Variants in COL16A1 observed in about 807,000 individuals in gnomAD.
The protein encoded by COL16A1 is collagen type XVI alpha 1 chain, also known as collagen alpha-1(XVI) chain.
In COL16A1, 189 loss-of-function variants were observed where a neutral mutation model predicts 266.3. The observed-to-expected ratio is 0.71, with a 90% CI of 0.63 to 0.80. The LOEUF is 0.80. COL16A1 is among the 30% of genes least tolerant of loss of function. The pLI, the probability that COL16A1 is intolerant of heterozygous loss-of-function variation, is 0.00. For missense variants in COL16A1, 1,928 were observed against 2,122.4 expected, an observed-to-expected ratio of 0.91 and a Z score of 1.80; for synonymous variants, 740 against 782.3, an observed-to-expected ratio of 0.95 and a Z score of 0.90.
rs745856920 is a variant in COL16A1, at chr1:31,658,453, C to A, written c.4020+35G>T. The A allele has an allele frequency of 3.9e-6, 6 of 1,541,208 alleles. No individual in the cohort carries two copies. In the African/African-American group the frequency reaches 6.8e-5, roughly 17 times the overall value. ...CAGGCCTTGAGCCAATTGACTCTTT[C>A]CCCCTGGGCTATGCTGTAGAATGTG... is the stretch of plus-strand genomic sequence containing the variant. On this transcript the variant is annotated intron_variant, in intron 64 of 70. Coordinates refer to ENST00000373672, the MANE Select transcript of COL16A1 (RefSeq NM_001856.4).
intron 52 of COL16A1, among the ~76,000 whole-genome samples, chr1:31,667,245 T>A (rs1307599968): frequency 6.6e-6 from 1 of 152,236 alleles, no homozygotes; most frequent in African/African-American, 2.4e-5. Flanking sequence ...CCAACTCCTG[T>A]GCTCAACGTG....
Position 31,668,022 on chromosome 1 carries a change from C to A in COL16A1, c.3303+143G>T. ...GGCCTACAGTGGGGAGAGGGGGCTG[C>A]ATGGACTTTAGGCAAAGGAGGAGGC... On this transcript the variant is annotated intron_variant, in intron 51 of 70. Transcript: ENST00000373672. This position sits in a 1 kb window ranked among gnomAD's most constrained non-coding sequence, Gnocchi z 5.8. 5.8e-6 allele frequency: 4 copies of A among 684,028 alleles called. No individual in the cohort carries two copies. 42.4% of individuals were successfully genotyped at this position (684,028 alleles called of 1,614,324 possible). A position where few individuals can be genotyped will look rare whatever the true frequency, so the allele number is the denominator to read the frequency against.
chr1:31,684,372 T>C, intron 31 of COL16A1, 141 bp from the exon 32 acceptor site: 4 of 1,467,226 alleles, frequency 2.7e-6, no homozygotes, highest in Non-Finnish European at 3.6e-6. Flanking sequence ...CTGACACTCC[T>C]AGCAGAGGAG....
chr1:31,674,066 T>C (rs533404026), intron 44 of COL16A1, among the ~76,000 whole-genome samples: 1 of 152,330 alleles, frequency 6.6e-6, no homozygotes, highest in African/African-American at 2.4e-5. Flanking sequence ...ATGTAACTGA[T>C]GCCAAGAGGT....
intron 29 of COL16A1, 108 bp from the exon 30 acceptor site, chr1:31,684,964 C>G: frequency 6.3e-7 from 1 of 1,589,742 alleles, no homozygotes; most frequent in Non-Finnish European, 8.5e-7. Context: ...AACAAAATCT[C>G]TGCTTTCGTG....
At chr1:31,694,938 C>T (rs1004290148) in intron 11 of COL16A1, among the ~76,000 whole-genome samples, 2 of 152,202 alleles carry the variant, frequency 1.3e-5, no homozygotes. Flanking sequence ...GCCACCATCC[C>T]GTGCCCATGC....
rs1187801505 is a variant in COL16A1 at position 31,657,670 on chromosome 1, C to T, written c.4021-602G>A. 6.6e-6 allele frequency among the ~76,000 whole-genome samples: 1 copy of T among 152,164 alleles called. No homozygotes were observed. Among genetic ancestry groups the T allele is most frequent in the Non-Finnish European group, 1.5e-5 (1 of 68,018 alleles). On this transcript the variant is annotated intron_variant, in intron 64 of 70. Transcript: ENST00000373672. This position sits in a 1 kb window ranked among gnomAD's most constrained non-coding sequence, Gnocchi z 6.4. ...ACCAGCCCCACGGTCACTGCTGCTG[C>T]CCCCCAGAAAAAGTCTGCGTTGATG...
At chr1:31,699,221 T>C (rs999116113) in intron 4 of COL16A1, among the ~76,000 whole-genome samples, 1 of 152,168 alleles carries the variant, frequency 6.6e-6, no homozygotes, top group Non-Finnish European at 1.5e-5. Context: ...AGGGAGGCCA[T>C]GAGCAAAGAA....
intron 54 of COL16A1, 114 bp downstream of exon 54, chr1:31,665,768 C>G: frequency 6.3e-7 from 1 of 1,599,502 alleles, no homozygotes; most frequent in Non-Finnish European, 8.5e-7. Flanking sequence ...AGGCTCTGGG[C>G]ATGAGGTAGG....
Position 31,692,046 on chromosome 1 carries a change from C to A in COL16A1, c.1216G>T (p.Asp406Tyr). ...CCCGGCACGCCCTTGATGCCTCCGTCGCCCTTCTCGCCTTTCTGGCCCTGG... is the reference window on the plus strand; with the variant it reads ...CCCGGCACGCCCTTGATGCCTCCGTAGCCCTTCTCGCCTTTCTGGCCCTGG... ...GEKGQKGEKG[D>Y]GGIKGVPGKP... The change falls in exon 17 of 71, where the codon GAC becomes TAC. Residue 406 changes from aspartate (D) to tyrosine (Y), a missense_variant. Around this residue, in one of 2 missense-constraint regions of COL16A1, gnomAD observed 1,552 missense variants for 1,637.2 expected, o/e 0.95. Coordinates refer to ENST00000373672, the MANE Select transcript of COL16A1 (RefSeq NM_001856.4). The A allele has an allele frequency of 6.2e-7, 1 of 1,613,828 alleles. No homozygotes were observed. The highest frequency in any genetic ancestry group is 8.5e-7 in the Non-Finnish European group (1 of 1,180,002).
intron 12 of COL16A1, 93 bp from the exon 13 acceptor site, chr1:31,693,247 C>T (rs758910354): frequency 1.3e-6 from 1 of 797,736 alleles, no homozygotes; most frequent in Non-Finnish European, 2.2e-6. Flanking sequence ...TCCACCCATC[C>T]CCCCACACAC....
In COL16A1 at chr1:31,657,193, C is replaced by A. The variant is rs1641241607; in HGVS notation, c.4021-125G>T. 1 of 1,188,604 alleles carries A rather than the reference C, an allele frequency of 8.4e-7. No individual in the cohort carries two copies. The highest frequency in any genetic ancestry group is 1.8e-5 in the Admixed American group (1 of 54,886). The allele number at this position is 1,188,604 out of a possible 1,614,324, so 73.6% of individuals were successfully genotyped here. ...CCAGAGGCCACGATCCTCCAGCCCT[C>A]ACCCTCTGACAATCTGGGCACAGGC... On this transcript the variant is annotated intron_variant, in intron 64 of 70. Coordinates refer to ENST00000373672, the MANE Select transcript of COL16A1 (RefSeq NM_001856.4). This position sits in a 1 kb window ranked among gnomAD's most constrained non-coding sequence, Gnocchi z 6.4.
At chr1:31,659,270 G>A (rs1411646859) in intron 62 of COL16A1, among the ~76,000 whole-genome samples, 1 of 152,216 alleles carries the variant, frequency 6.6e-6, no homozygotes, top group Non-Finnish European at 1.5e-5. Flanking sequence ...AGGCCTGGGG[G>A]AGTTACTCCC....
At position 31,698,012 on chromosome 1, in the gene COL16A1, A is replaced by G. The variant is rs746364339; in HGVS notation, c.551T>C (p.Val184Ala). Residue 184 changes from valine (V) to alanine (A), a missense_variant, in exon 6 of 71, where the codon GTG becomes GCG. This residue lies in a region of COL16A1 where 1,552 missense variants were observed against 1,637.2 expected (regional missense o/e 0.95). Transcript: ENST00000373672. This position sits in a 1 kb window ranked among gnomAD's most constrained non-coding sequence, Gnocchi z 4.1. The stretch of plus-strand genomic sequence containing the variant: ...CTGGGAGGAGGCTGAGCTGCAGTCC[A>G]CGTGCACAGAGGCCACACGTCCAGC... ...SVAGRVASVH[V>A]DCSSASSQPL... is the part of the protein sequence containing the mutation. 24 of 1,613,454 alleles carry G rather than the reference A, an allele frequency of 1.5e-5. No individual in the cohort carries two copies. The highest frequency in any genetic ancestry group is 1.9e-5 in the Non-Finnish European group (23 of 1,180,036).
intron 57 of COL16A1, 25 bp from the exon 58 acceptor site, chr1:31,662,412 TAC>T (rs1200759957): frequency 3.7e-6 from 6 of 1,608,286 alleles, no homozygotes; most frequent in Non-Finnish European, 5.1e-6. Context: ...GAGGCATTTC[TAC>T]ATGCTGGTGC....
In COL16A1 at chr1:31,670,641, G is replaced by A; in HGVS notation, c.3156C>T (p.Pro1052=). The change falls in exon 49 of 71, where the codon CCC becomes CCT. Residue 1052 remains proline, a synonymous_variant. Coordinates refer to ENST00000373672, the MANE Select transcript of COL16A1 (RefSeq NM_001856.4). The surrounding 1 kb of genome is among the most constrained non-coding windows in gnomAD (Gnocchi z 4.5). ...AGCCAACAGCACCAGGAAAACCTGG[G>A]GGGCCCTGGTGGGAGAAACAGGCAG... ...GSPGPPGPIG[P]PGFPGAVGSP... is the part of the protein sequence containing the mutation. 7.0e-7 allele frequency: 1 copy of A among 1,431,096 alleles called. No homozygotes were observed. The highest frequency in any genetic ancestry group is 9.1e-7 in the Non-Finnish European group (1 of 1,097,042). The allele number at this position is 1,431,096 out of a possible 1,614,324, so 88.6% of individuals were successfully genotyped here.
At chr1:31,659,951 GTTC>G (rs1216859768) in intron 62 of COL16A1, 2 of 72,516 alleles carry the variant, frequency 2.8e-5, no homozygotes, top group Admixed American at 1.4e-4. Flanking sequence ...GGGCCTGAGA[GTTC>G]TTTTTTTTTT....
intron 26 of COL16A1, among the ~76,000 whole-genome samples, chr1:31,687,174 G>C (rs1257998523): frequency 1.3e-5 from 2 of 152,140 alleles, no homozygotes; most frequent in Admixed American, 6.5e-5. Flanking sequence ...TTGAGGTCAG[G>C]AATTTGAGAC....
rs752266193 is a variant in COL16A1, at chr1:31,684,571, C to T, written c.2112G>A (p.Leu704=). ...GTPGTTGRPG[L]SGEPGVQGPA... ...GGCCCTGAACTCCAGGCTCTCCTGA[C>T]AGTCCTGGCCGCCCTGTGGTGCCCG... Residue 704 remains leucine, a synonymous_variant, in exon 31 of 71, where the codon CTG becomes CTA. Transcript: ENST00000373672. 9 of 1,613,814 alleles carry T rather than the reference C, an allele frequency of 5.6e-6. No individual in the cohort carries two copies. The highest frequency in any genetic ancestry group is 2.7e-5 in the African/African-American group (2 of 74,944).
Sources: gnomAD v4.1 joint callset for allele counts (sites outside exome capture counted in the v4.1 genomes callset) on GRCh38, gnomAD v4.1.1 for gene constraint, gnomAD v4.1.1 regional missense constraint, Gnocchi (gnomAD v3.1) non-coding constraint, MANE v1.5 for transcripts, NCBI Gene and HGNC (gene_info 2026-07-23, HGNC 2026-07-21) for gene names.